MBOAT1: variants seen among roughly 807,000 people sequenced by gnomAD.
MBOAT1 encodes the protein membrane-bound glycerophospholipid O-acyltransferase 1.
In MBOAT1, 67 loss-of-function variants were observed where a neutral mutation model predicts 64.4. The observed-to-expected ratio is 1.04, with a 90% CI of 0.85 to 1.27. The LOEUF (loss-of-function observed/expected upper bound fraction) is 1.27, where lower values mean the gene tolerates loss of function less well. MBOAT1 is among the 50% of genes most tolerant of loss of function. The probability of loss-of-function intolerance (pLI) is 0.00; values close to 1 mark genes in which losing one functional copy is unlikely to be tolerated. For missense variants in MBOAT1, 563 were observed against 604.6 expected, an observed-to-expected ratio of 0.93 and a Z score of 0.72; for synonymous variants, 229 against 218.9, an observed-to-expected ratio of 1.05 and a Z score of -0.41.
chr6:20,188,327 CA>C (rs1762712456), intron 1 of MBOAT1, among the ~76,000 whole-genome samples: 1 of 152,078 alleles, frequency 6.6e-6, no homozygotes, highest in Admixed American at 6.6e-5. Context: ...CAAACCATAC[CA>C]TACATAGCAT....
chr6:20,125,399 C>T (rs986287707), intron 7 of MBOAT1, among the ~76,000 whole-genome samples: 50 of 152,190 alleles, frequency 3.3e-4, no homozygotes, highest in Non-Finnish European at 6.5e-4. Flanking sequence ...CACGCTCAGC[C>T]ACAATTACAG....
intron 4 of MBOAT1, among the ~76,000 whole-genome samples, chr6:20,134,016 T>C (rs1760908150): frequency 1.3e-5 from 2 of 152,206 alleles, no homozygotes; most frequent in Non-Finnish European, 2.9e-5. Flanking sequence ...GAATTTTATC[T>C]CATTCAAGGA....
At chr6:20,159,350 A>G (rs1314191170) in intron 1 of MBOAT1, among the ~76,000 whole-genome samples, 2 of 152,170 alleles carry the variant, frequency 1.3e-5, no homozygotes, top group Non-Finnish European at 2.9e-5. Context: ...ACACCCTATG[A>G]GAACTATAGC....
intron 8 of MBOAT1, among the ~76,000 whole-genome samples, chr6:20,121,655 C>T (rs1451189551): frequency 6.6e-6 from 1 of 152,176 alleles, no homozygotes; most frequent in African/African-American, 2.4e-5. Flanking sequence ...CCTTTCTTTC[C>T]TCCTGAGATC....
At position 20,111,837 on chromosome 6, in the gene MBOAT1, C is replaced by CATATATATACATATATATACAT. The variant is rs1760160381; in HGVS notation, c.1209+1038_1209+1039insATGTATATATATGTATATATAT. On this transcript the variant is annotated intron_variant, in intron 11 of 12. Transcript: ENST00000324607. ...ATACATATATATACATATATATACA[C>CATATATATACATATATATACAT]ATATATATACATATATATATACATA... Among the ~76,000 whole-genome samples the CATATATATACATATATATACAT allele has an allele frequency of 4.3e-5, 4 of 92,630 alleles. 1 individual carries two copies. The highest frequency in any genetic ancestry group is 1.1e-4 in the African/African-American group (3 of 27,806). 60.8% of individuals were successfully genotyped at this position (92,630 alleles called of 152,430 possible).
chr6:20,124,863 G>T lies in MBOAT1; in HGVS notation c.715-263C>A, dbSNP rs562934904. 1.7e-4 allele frequency among the ~76,000 whole-genome samples: 26 copies of T among 152,272 alleles called. No individual in the cohort carries two copies. In the East Asian group the frequency reaches 4.6e-3, roughly 27 times the overall value. ...GAAAACTTCCATCAGCATATTCAAC[G>T]AACAAAATGTAAGTACTTATATTAT... On this transcript the variant is annotated intron_variant, in intron 7 of 12. Transcript: ENST00000324607.
chr6:20,192,443 C>A (rs1026882751), intron 1 of MBOAT1, among the ~76,000 whole-genome samples: 2 of 152,200 alleles, frequency 1.3e-5, no homozygotes, highest in African/African-American at 4.8e-5. Context: ...ACTGCCCAGG[C>A]ATCCTATCTA....
At chr6:20,147,713 A>C (rs1761368981) in intron 3 of MBOAT1, among the ~76,000 whole-genome samples, 2 of 152,104 alleles carry the variant, frequency 1.3e-5, no homozygotes, top group Admixed American at 1.3e-4. Context: ...GAAATTCATC[A>C]AACTGTTTAC....
intron 1 of MBOAT1, among the ~76,000 whole-genome samples, chr6:20,191,640 C>T (rs565679779): frequency 3.7e-4 from 56 of 152,280 alleles, no homozygotes; most frequent in Non-Finnish European, 6.5e-4. Flanking sequence ...CTACTGCAGA[C>T]GGAACAGCAA....
At chr6:20,211,737 C>G (rs374838483) in intron 1 of MBOAT1, among the ~76,000 whole-genome samples, 63 of 152,108 alleles carry the variant, frequency 4.1e-4, no homozygotes, top group African/African-American at 1.4e-3. Flanking sequence ...ACAGATTCAT[C>G]GCGCTTGTTT....
intron 1 of MBOAT1, among the ~76,000 whole-genome samples, chr6:20,183,575 G>C (rs1762566979): frequency 6.9e-6 from 1 of 144,046 alleles, no homozygotes; most frequent in South Asian, 2.3e-4. Flanking sequence ...GGATAAAATG[G>C]CATTCCGTCT....
At chr6:20,173,974 A>C (rs1272206591) in intron 1 of MBOAT1, among the ~76,000 whole-genome samples, 2 of 152,178 alleles carry the variant, frequency 1.3e-5, no homozygotes, top group African/African-American at 4.8e-5. Flanking sequence ...GAAAGGAGAA[A>C]GACAAACATG....
chr6:20,112,001 G>T (rs1225803279), intron 11 of MBOAT1, among the ~76,000 whole-genome samples: 1 of 149,842 alleles, frequency 6.7e-6, no homozygotes, highest in Non-Finnish European at 1.5e-5. Flanking sequence ...ACACAGTAGG[G>T]CTCCTGAAAT....
At chr6:20,195,422 T>C (rs537879414) in intron 1 of MBOAT1, among the ~76,000 whole-genome samples, 1 of 152,332 alleles carries the variant, frequency 6.6e-6, no homozygotes. Flanking sequence ...CACTCTACCA[T>C]ATAAAATGTT....
chr6:20,201,352 AAGGG>A (rs1299944069), intron 1 of MBOAT1, among the ~76,000 whole-genome samples: 1 of 151,652 alleles, frequency 6.6e-6, no homozygotes, highest in Non-Finnish European at 1.5e-5. Context: ...GGAAGAAAAG[AAGGG>A]AGGGAGGGAG....
rs191536122 is a variant in MBOAT1, at chr6:20,154,927, T to C, written c.100-2158A>G. Among the ~76,000 whole-genome samples the C allele has an allele frequency of 2.1e-3, 318 of 152,272 alleles. 1 individual carries two copies. Among genetic ancestry groups the C allele is most frequent in the African/African-American group, 7.2e-3 (301 of 41,556 alleles). ...AGGTGTGACACTGAAGATCTATAAA[T>C]GGTGACACAGCCCTGCATTCAACAT... On this transcript the variant is annotated intron_variant, in intron 1 of 12. Coordinates refer to ENST00000324607, the MANE Select transcript of MBOAT1 (RefSeq NM_001080480.3).
chr6:20,173,396 A>G lies in MBOAT1; in HGVS notation c.100-20627T>C, dbSNP rs555828235. ...AAAAAACTTCTGGAAGTTAATCTAG[A>G]ACTTAAATCTCAAAATTCCATGAAT... is the stretch of plus-strand genomic sequence containing the variant. On this transcript the variant is annotated intron_variant, in intron 1 of 12. Coordinates refer to ENST00000324607, the MANE Select transcript of MBOAT1 (RefSeq NM_001080480.3). 7.2e-4 allele frequency among the ~76,000 whole-genome samples: 109 copies of G among 152,304 alleles called. No homozygotes were observed. In the Middle Eastern group the frequency reaches 0.017, roughly 24 times the overall value.
chr6:20,126,572 A>T lies in MBOAT1; in HGVS notation c.659T>A (p.Leu220Gln), dbSNP rs1312254590. Reference protein sequence around the residue: ...IEGKHIHMKLLEVNWKRKGFH... With the variant: ...IEGKHIHMKLQEVNWKRKGFH... The stretch of plus-strand genomic sequence containing the variant: ...ACCTTTTCGCTTCCAGTTCACCTCC[A>T]GCAACTTCATGTGTATATGCTTCCC... The change falls in exon 7 of 13, where the codon CTG (leucine) becomes CAG (glutamine). Residue 220 changes from leucine to glutamine, a missense_variant. Physicochemically the swap from Leu to Gln is moderately radical, Grantham distance 113. Coordinates refer to ENST00000324607, the MANE Select transcript of MBOAT1 (RefSeq NM_001080480.3). The T allele has an allele frequency of 6.2e-7, 1 of 1,613,384 alleles. No individual in the cohort carries two copies. The highest frequency in any genetic ancestry group is 1.3e-5 in the African/African-American group (1 of 74,874).
chr6:20,118,341 T>C lies in MBOAT1; in HGVS notation c.1011+96A>G, dbSNP rs144262695. 2.4e-3 allele frequency: 2,355 copies of C among 965,822 alleles called. 25 individuals are homozygous for C. The African/African-American group carries it at 0.031, about 13-fold the overall frequency. 59.8% of individuals were successfully genotyped at this position (965,822 alleles called of 1,614,324 possible). ...GCAATTCCCTGAGAGCAGCTTTTCT[T>C]TGGACACATGGATGAAGCATTCTGG... On this transcript the variant is annotated intron_variant, in intron 9 of 12. Coordinates refer to ENST00000324607, the MANE Select transcript of MBOAT1 (RefSeq NM_001080480.3).
Sources: allele counts gnomAD v4.1 joint callset (sites outside exome capture counted in the v4.1 genomes callset), GRCh38; gene constraint gnomAD v4.1.1; transcripts MANE v1.5; gene names NCBI Gene and HGNC (gene_info 2026-07-23, HGNC 2026-07-21).